Variants in PRKAG2 observed in about 807,000 individuals in gnomAD.
The protein encoded by PRKAG2 is protein kinase AMP-activated non-catalytic subunit gamma 2, also known as 5'-AMP-activated protein kinase subunit gamma-2.
Under a neutral mutation model 69.6 loss-of-function variants are expected in PRKAG2, and 26 were observed. The observed-to-expected ratio is 0.37, with a 90% CI of 0.27 to 0.52. The LOEUF (loss-of-function observed/expected upper bound fraction) is 0.52, where lower values mean the gene tolerates loss of function less well. Among genes scored for constraint, PRKAG2 ranks in the 20% least tolerant of loss-of-function variants. The pLI is 0.90. For missense variants in PRKAG2, 557 were observed against 740.0 expected, an observed-to-expected ratio of 0.75 and a Z score of 2.87; for synonymous variants, 293 against 285.0, an observed-to-expected ratio of 1.03 and a Z score of -0.28.
chr7:151,789,627 C>G (rs934381127), intron 1 of PRKAG2, among the ~76,000 whole-genome samples: 1 of 152,234 alleles, frequency 6.6e-6, no homozygotes, highest in Non-Finnish European at 1.5e-5. Context: ...GACTGAGACA[C>G]GCCAGTGAGA....
At chr7:151,622,070 G>A (rs73730226) in intron 5 of PRKAG2, among the ~76,000 whole-genome samples, 3,257 of 152,224 alleles carry the variant, frequency 0.021, 106 homozygotes, top group African/African-American at 0.073. Flanking sequence ...TGATTTCACT[G>A]ATCTATGTCA....
chr7:151,729,575 C>G (rs1220610817), intron 3 of PRKAG2, among the ~76,000 whole-genome samples: 1 of 152,122 alleles, frequency 6.6e-6, no homozygotes, highest in Non-Finnish European at 1.5e-5. Flanking sequence ...CTCAAGACCC[C>G]CGAGGGCCTT....
intron 1 of PRKAG2, among the ~76,000 whole-genome samples, chr7:151,844,141 TCTC>T (rs2079374874): frequency 6.6e-6 from 1 of 152,080 alleles, no homozygotes; most frequent in African/African-American, 2.4e-5. Flanking sequence ...CTTGGGAAGC[TCTC>T]CTCTTTTGCT....
chr7:151,599,667 A>G (rs1480871326), intron 5 of PRKAG2, among the ~76,000 whole-genome samples: 1 of 152,166 alleles, frequency 6.6e-6, no homozygotes, highest in Non-Finnish European at 1.5e-5. Flanking sequence ...ACAGTTCACC[A>G]TCGGGTTTGG....
chr7:151,749,067 C>A (rs1198557849), intron 3 of PRKAG2, among the ~76,000 whole-genome samples: 1 of 152,236 alleles, frequency 6.6e-6, no homozygotes, highest in African/African-American at 2.4e-5. Flanking sequence ...GGCCAGATGT[C>A]TCCAGAGAGG....
At chr7:151,631,892 C>T in intron 5 of PRKAG2, 177 bp downstream of exon 5, 1 of 555,724 alleles carries the variant, frequency 1.8e-6, no homozygotes, top group Non-Finnish European at 2.7e-6. Context: ...CCCCGCAGCC[C>T]GAGCTCGCCG....
chr7:151,658,355 C>T (rs1035544909), intron 4 of PRKAG2, among the ~76,000 whole-genome samples: 8 of 151,066 alleles, frequency 5.3e-5, no homozygotes, highest in South Asian at 4.2e-4. Flanking sequence ...CGTGGTGGCG[C>T]GTGCCCGTAA....
intron 3 of PRKAG2, among the ~76,000 whole-genome samples, chr7:151,681,355 T>C (rs1443375985): frequency 6.6e-6 from 1 of 152,206 alleles, no homozygotes; most frequent in Non-Finnish European, 1.5e-5. Context: ...CTTCCAGAGC[T>C]GGTGACTCCT....
intron 5 of PRKAG2, among the ~76,000 whole-genome samples, chr7:151,626,100 G>C (rs1313037237): frequency 6.6e-6 from 1 of 152,204 alleles, no homozygotes; most frequent in African/African-American, 2.4e-5. Flanking sequence ...CATGGCCCTA[G>C]AGCAATGGCC....
In PRKAG2 at chr7:151,876,559, C is replaced by A; in HGVS notation, c.62G>T (p.Gly21Val). 1 of 1,610,134 alleles carries A rather than the reference C, an allele frequency of 6.2e-7. No homozygotes were observed. The highest frequency in any genetic ancestry group is 8.5e-7 in the Non-Finnish European group (1 of 1,179,966). ...CTTCTGGCTGGCATTTTTCTTGCCG[C>A]CGCTCCCGCCGGGGCTGGAAACATC... Reference protein sequence around the residue: ...KKDVSSPGGSGGKKNASQKRR... With the variant: ...KKDVSSPGGSVGKKNASQKRR... Residue 21 changes from glycine to valine, a missense_variant, in exon 1 of 16, where the codon GGC becomes GTC. Gly to Val is a moderately radical substitution (Grantham distance 109). Transcript: ENST00000287878.
intron 1 of PRKAG2, among the ~76,000 whole-genome samples, chr7:151,851,726 C>G (rs1187946959): frequency 1.3e-5 from 2 of 152,182 alleles, no homozygotes; most frequent in African/African-American, 2.4e-5. Flanking sequence ...GAAGTGGATG[C>G]TTCTGGAAGG....
intron 6 of PRKAG2, among the ~76,000 whole-genome samples, chr7:151,592,617 C>T (rs1329010565): frequency 2.0e-5 from 3 of 152,200 alleles, no homozygotes; most frequent in Non-Finnish European, 4.4e-5. Flanking sequence ...GCTCTGATGA[C>T]GTCGTATCCT....
intron 3 of PRKAG2, among the ~76,000 whole-genome samples, chr7:151,732,694 A>G (rs533371140): frequency 2.8e-4 from 42 of 152,132 alleles, no homozygotes; most frequent in African/African-American, 9.9e-4. Context: ...AAAGGCACCC[A>G]GAGTGGTTTT....
intron 4 of PRKAG2, among the ~76,000 whole-genome samples, chr7:151,639,324 C>T (rs1826277675): frequency 6.6e-6 from 1 of 152,222 alleles, no homozygotes; most frequent in South Asian, 2.1e-4. Context: ...TCCAGTCTTG[C>T]CCGCTTTCCA....
At chr7:151,803,714 T>G (rs1238241514) in intron 1 of PRKAG2, among the ~76,000 whole-genome samples, 1 of 151,884 alleles carries the variant, frequency 6.6e-6, no homozygotes, top group Non-Finnish European at 1.5e-5. Flanking sequence ...CCAGCTTGTT[T>G]TTTTTTTTTT....
intron 5 of PRKAG2, 106 bp downstream of exon 5, chr7:151,631,963 G>C (rs1177790364): frequency 5.1e-5 from 54 of 1,060,848 alleles, no homozygotes; most frequent in Non-Finnish European, 6.3e-5. Context: ...GACGCAGCTC[G>C]CCGTGGGGCA....
At chr7:151,799,107 G>T (rs1296730964) in intron 1 of PRKAG2, among the ~76,000 whole-genome samples, 2 of 152,188 alleles carry the variant, frequency 1.3e-5, no homozygotes, top group African/African-American at 4.8e-5. Context: ...CTCACCTCTA[G>T]CGCCTAAACC....
At chr7:151,652,808 G>A (rs1410944815) in intron 4 of PRKAG2, among the ~76,000 whole-genome samples, 1 of 151,994 alleles carries the variant, frequency 6.6e-6, no homozygotes, top group Non-Finnish European at 1.5e-5. Flanking sequence ...CTGTAGTGAT[G>A]GGGTTTCACC....
chr7:151,865,112 A>G (rs1204539745), intron 1 of PRKAG2, among the ~76,000 whole-genome samples: 1 of 152,216 alleles, frequency 6.6e-6, no homozygotes, highest in Non-Finnish European at 1.5e-5. Flanking sequence ...CTTTCCATCC[A>G]CAGGCAGAGT....
Sources: allele counts gnomAD v4.1 joint callset (sites outside exome capture counted in the v4.1 genomes callset), GRCh38; gene constraint gnomAD v4.1.1; transcripts MANE v1.5; gene names NCBI Gene and HGNC (gene_info 2026-07-23, HGNC 2026-07-21).